CALCOCO2: variants seen among roughly 807,000 people sequenced by gnomAD.
The protein encoded by CALCOCO2 is calcium binding and coiled-coil domain 2.
In CALCOCO2, 42 loss-of-function variants were observed where a neutral mutation model predicts 62.5. The observed-to-expected ratio is 0.67, with a 90% confidence interval of 0.53 to 0.87. CALCOCO2 has a LOEUF of 0.87. CALCOCO2 is among the 40% of genes least tolerant of loss of function. The pLI is 0.00. For missense variants in CALCOCO2, 456 were observed against 515.0 expected, an observed-to-expected ratio of 0.89 and a Z score of 1.11; for synonymous variants, 167 against 173.0, an observed-to-expected ratio of 0.97 and a Z score of 0.27.
intron 9 of CALCOCO2, among the ~76,000 whole-genome samples, chr17:48,854,753 C>T (rs780502217): frequency 1.3e-5 from 2 of 151,804 alleles, no homozygotes; most frequent in African/African-American, 2.4e-5. Context: ...AGGGGCTCCC[C>T]ACCTGGCTGA....
chr17:48,859,960 A>G (rs11870567), intron 10 of CALCOCO2, among the ~76,000 whole-genome samples: 48,607 of 151,818 alleles, frequency 0.32, 8,050 homozygotes, highest in Admixed American at 0.44. Context: ...TAGGCGTGGT[A>G]GTGGGTGCCT....
rs145633587 is a variant in CALCOCO2, at chr17:48,851,283, A to G, written c.632+106A>G. 140 of 731,354 alleles carry G rather than the reference A, an allele frequency of 1.9e-4. No homozygotes were observed. The African/African-American group carries it at 2.2e-3, about 12-fold the overall frequency. 45.3% of individuals were successfully genotyped at this position (731,354 alleles called of 1,614,324 possible). A position where few individuals can be genotyped will look rare whatever the true frequency, so the allele number is the denominator to read the frequency against. ...GAATTTGTGAGAAAACACTGTTATG[A>G]CATTGATGATGTGATTCTCCACCCT... On this transcript the variant is annotated intron_variant, in intron 6 of 12. Coordinates refer to ENST00000258947, the MANE Select transcript of CALCOCO2 (RefSeq NM_005831.5).
chr17:48,844,233 C>T (rs1014202706), intron 2 of CALCOCO2, among the ~76,000 whole-genome samples: 1 of 152,070 alleles, frequency 6.6e-6, no homozygotes, highest in Non-Finnish European at 1.5e-5. Context: ...GTTTAAATAG[C>T]TTCATGTGGC....
Position 48,858,738 on chromosome 17 carries a change from A to T in CALCOCO2, c.1009-1576A>T, listed in dbSNP as rs1567760004. On this transcript the variant is annotated intron_variant, in intron 10 of 12. Coordinates refer to ENST00000258947, the MANE Select transcript of CALCOCO2 (RefSeq NM_005831.5). The stretch of plus-strand genomic sequence containing the variant: ...CACACAGTTTGCAAAACAAAGGGAA[A>T]GATTTGGTATTTGGAAGCTTTGTTA... Among the ~76,000 whole-genome samples, 3 of 151,822 alleles carry T rather than the reference A, an allele frequency of 2.0e-5. No homozygotes were observed. In the South Asian group the frequency reaches 6.3e-4, roughly 32 times the overall value.
Position 48,864,699 on chromosome 17 carries a change from A to G in CALCOCO2, c.*1694A>G, listed in dbSNP as rs1353128853. 6.6e-6 allele frequency: 1 copy of G among 152,436 alleles called. No homozygotes were observed. Among genetic ancestry groups the G allele is most frequent in the African/African-American group, 2.4e-5 (1 of 41,462 alleles). The allele number at this position is 152,436 out of a possible 1,614,324, so 9.4% of individuals were successfully genotyped here. On this transcript the variant is annotated 3_prime_UTR_variant, in exon 13 of 13. Coordinates refer to ENST00000258947, the MANE Select transcript of CALCOCO2 (RefSeq NM_005831.5). ...GGGAGTTATGCCCTAGACTAACTGT[A>G]TTGTCCTAGTCACAGCTCCTTGCTT... is the stretch of plus-strand genomic sequence containing the variant.
chr17:48,849,199 G>A, intron 4 of CALCOCO2, 53 bp from the exon 5 acceptor site: 1 of 1,589,082 alleles, frequency 6.3e-7, no homozygotes, highest in Non-Finnish European at 8.6e-7. Context: ...TAACCTATGG[G>A]AATTTTCTGC....
chr17:48,859,980 G>A (rs991496376), intron 10 of CALCOCO2, among the ~76,000 whole-genome samples: 1 of 152,142 alleles, frequency 6.6e-6, no homozygotes, highest in African/African-American at 2.4e-5. Context: ...TGTAATCCCA[G>A]CTACTTGGGA....
chr17:48,852,996 A>G lies in CALCOCO2; in HGVS notation c.896A>G (p.Lys299Arg). ...MKQNETTAMK[K>R]QQELMDENFD... ...CAGAATGAAACTACTGCAATGAAGAAACAACAGGAATTAATGGCATGTCTG... is the reference window on the plus strand; with the variant it reads ...CAGAATGAAACTACTGCAATGAAGAGACAACAGGAATTAATGGCATGTCTG... Residue 299 changes from lysine (K) to arginine (R), a missense_variant, in exon 9 of 13, where the codon AAA (lysine) becomes AGA (arginine). Around this residue, in one of 3 missense-constraint regions of CALCOCO2, gnomAD observed 172 missense variants for 210.3 expected, o/e 0.82. Coordinates refer to ENST00000258947, the MANE Select transcript of CALCOCO2 (RefSeq NM_005831.5). The G allele has an allele frequency of 1.2e-6, 2 of 1,611,570 alleles. No homozygotes were observed. Among genetic ancestry groups the G allele is most frequent in the Non-Finnish European group, 1.7e-6 (2 of 1,177,652 alleles).
Position 48,848,048 on chromosome 17 carries a change from C to T in CALCOCO2, c.181-16C>T, listed in dbSNP as rs756963067. The T allele has an allele frequency of 4.7e-6, 7 of 1,493,508 alleles. No homozygotes were observed. Among genetic ancestry groups the T allele is most frequent in the Non-Finnish European group, 5.6e-6 (6 of 1,072,366 alleles). 92.5% of individuals were successfully genotyped at this position (1,493,508 alleles called of 1,614,324 possible). Reference sequence around the variant, plus strand: ...TCCCCTTTCAGGTACTAAATAAGAACTTCTTGTCATTGCAGGTGGGGTGGA... The same window carrying T: ...TCCCCTTTCAGGTACTAAATAAGAATTTCTTGTCATTGCAGGTGGGGTGGA... On this transcript the variant is annotated splice_polypyrimidine_tract_variant and intron_variant, in intron 2 of 12. Coordinates refer to ENST00000258947, the MANE Select transcript of CALCOCO2 (RefSeq NM_005831.5).
At chr17:48,859,583 C>T (rs1408900542) in intron 10 of CALCOCO2, among the ~76,000 whole-genome samples, 1 of 151,586 alleles carries the variant, frequency 6.6e-6, no homozygotes, top group African/African-American at 2.4e-5. Context: ...CCTGGGTGAC[C>T]AAGCAAGACC....
At chr17:48,847,091 T>C (rs913389970) in intron 2 of CALCOCO2, among the ~76,000 whole-genome samples, 15 of 152,322 alleles carry the variant, frequency 9.8e-5, no homozygotes, top group Middle Eastern at 3.4e-3. Flanking sequence ...CAGATTGTTG[T>C]TAATATCTTT....
intron 1 of CALCOCO2, among the ~76,000 whole-genome samples, chr17:48,834,333 T>A (rs1161022360): frequency 6.6e-6 from 1 of 152,152 alleles, no homozygotes. Flanking sequence ...CCTGCTCCTC[T>A]GAGGGCCCTA....
At chr17:48,837,976 C>T (rs1023126787) in intron 1 of CALCOCO2, among the ~76,000 whole-genome samples, 1 of 152,016 alleles carries the variant, frequency 6.6e-6, no homozygotes, top group Non-Finnish European at 1.5e-5. Context: ...CAGCCGGGCG[C>T]GGTGGCTTAC....
Position 48,863,197 on chromosome 17 carries a change from G to A in CALCOCO2, c.*192G>A. The A allele has an allele frequency of 1.8e-6, 1 of 555,970 alleles. No individual in the cohort carries two copies. 34.4% of individuals were successfully genotyped at this position (555,970 alleles called of 1,614,324 possible). On this transcript the variant is annotated 3_prime_UTR_variant, in exon 13 of 13. Coordinates refer to ENST00000258947, the MANE Select transcript of CALCOCO2 (RefSeq NM_005831.5). Reference sequence around the variant, plus strand: ...TAAGGGCTTCTGCTGCCATCCTTGTGGGTTGCTACCTTTAAGTCGCATAAC... The same window carrying A: ...TAAGGGCTTCTGCTGCCATCCTTGTAGGTTGCTACCTTTAAGTCGCATAAC...
chr17:48,854,316 A>AG (rs2040175104), intron 9 of CALCOCO2, among the ~76,000 whole-genome samples: 1 of 1,246 alleles, frequency 8.0e-4, no homozygotes, highest in Non-Finnish European at 2.9e-3. Flanking sequence ...ACTCCGTCTC[A>AG]AAAAAAAAAA....
chr17:48,849,290 T>C lies in CALCOCO2; in HGVS notation c.456T>C (p.Leu152=), dbSNP rs2040094554. ...AGATTGAGCAGCACAACAAGGAGCTTTGCAAAGAAAACCAGGAGCTGAAGG... is the reference window on the plus strand; with the variant it reads ...AGATTGAGCAGCACAACAAGGAGCTCTGCAAAGAAAACCAGGAGCTGAAGG... ...VEEIEQHNKE[L]CKENQELKDS... The change falls in exon 5 of 13, where the codon CTT becomes CTC. Residue 152 remains leucine, a synonymous_variant. Transcript: ENST00000258947. 1 of 1,613,592 alleles carries C rather than the reference T, an allele frequency of 6.2e-7. No homozygotes were observed. The highest frequency in any genetic ancestry group is 1.3e-5 in the African/African-American group (1 of 74,850).
At chr17:48,850,048 C>A (rs1040680875) in intron 5 of CALCOCO2, among the ~76,000 whole-genome samples, 1 of 151,836 alleles carries the variant, frequency 6.6e-6, no homozygotes, top group African/African-American at 2.4e-5. Context: ...TGCCTGTAAT[C>A]TCAGCACTTT....
intron 4 of CALCOCO2, chr17:48,848,832 G>A (rs747087486): frequency 6.4e-5 from 31 of 483,490 alleles, no homozygotes; most frequent in South Asian, 4.5e-4. Flanking sequence ...TCATACGTGA[G>A]TATTAGATTC....
chr17:48,853,070 G>C lies in CALCOCO2; in HGVS notation c.912+58G>C. 3.5e-6 allele frequency: 4 copies of C among 1,153,224 alleles called. No homozygotes were observed. In the South Asian group the frequency reaches 3.7e-5, roughly 11 times the overall value. The allele number at this position is 1,153,224 out of a possible 1,614,324, so 71.4% of individuals were successfully genotyped here. The stretch of plus-strand genomic sequence containing the variant: ...GAGCCTATAGGGATGTAGAAGAAAA[G>C]GATATGGGCCTATTTTCCGGTTGAT... On this transcript the variant is annotated intron_variant, in intron 9 of 12. Coordinates refer to ENST00000258947, the MANE Select transcript of CALCOCO2 (RefSeq NM_005831.5).
Sources: allele counts gnomAD v4.1 joint callset (sites outside exome capture counted in the v4.1 genomes callset), GRCh38; gene constraint gnomAD v4.1.1; regional missense constraint gnomAD v4.1.1; transcripts MANE v1.5; gene names NCBI Gene and HGNC (gene_info 2026-07-23, HGNC 2026-07-21).